Variants in PTPN12 observed in about 807,000 individuals in gnomAD.
The protein encoded by PTPN12 is protein tyrosine phosphatase non-receptor type 12, also known as tyrosine-protein phosphatase non-receptor type 12.
Under a neutral mutation model 97.6 loss-of-function variants are expected in PTPN12, and 29 were observed. The ratio of observed to expected loss-of-function variants is 0.30; its 90% CI spans 0.22 to 0.41. The LOEUF is 0.41. Ranked by LOEUF, PTPN12 falls within the 10% of genes least tolerant of loss-of-function variation. The pLI is 1.00. For missense variants in PTPN12, 819 were observed against 926.0 expected (o/e 0.88, Z 1.50); for synonymous variants, 327 against 300.4 (o/e 1.09, Z -0.91).
intron 13 of PTPN12, 62 bp downstream of exon 13, chr7:77,627,737 C>G (rs748857229): frequency 2.1e-5 from 30 of 1,413,418 alleles, no homozygotes; most frequent in Non-Finnish European, 2.7e-5. Context: ...GTTTTAAGCA[C>G]TTTAGCTGTA....
chr7:77,538,021 C>G (rs1806747844), intron 1 of PTPN12: 2 of 1,031,542 alleles, frequency 1.9e-6, no homozygotes, highest in Admixed American at 5.9e-5. Flanking sequence ...GCGCAGTTCG[C>G]TCCTCCCAGG....
At chr7:77,615,617 A>G (rs910261781) in intron 11 of PTPN12, among the ~76,000 whole-genome samples, 1 of 152,020 alleles carries the variant, frequency 6.6e-6, no homozygotes, top group African/African-American at 2.4e-5. Flanking sequence ...TGGGTATGGT[A>G]GCACGTGCCT....
In PTPN12 at chr7:77,620,511, T is replaced by A. The variant is rs551198525; in HGVS notation, c.1025+1946T>A. 3.9e-5 allele frequency among the ~76,000 whole-genome samples: 6 copies of A among 152,372 alleles called. No homozygotes were observed. The East Asian group carries it at 1.2e-3, about 29-fold the overall frequency. On this transcript the variant is annotated intron_variant, in intron 12 of 17. Transcript: ENST00000248594. ...TTGACAAAGAGAACCTTGTGACTTC[T>A]AAGTTGGGATGATTTTTAGAACTAT...
intron 11 of PTPN12, among the ~76,000 whole-genome samples, chr7:77,612,891 C>T (rs1788617454): frequency 6.6e-6 from 1 of 151,716 alleles, no homozygotes; most frequent in South Asian, 2.1e-4. Context: ...CCTGCCTCAG[C>T]CTCCTGAATA....
chr7:77,570,983 A>G, intron 1 of PTPN12, 95 bp from the exon 2 acceptor site: 1 of 702,882 alleles, frequency 1.4e-6, no homozygotes, highest in East Asian at 3.2e-5. Context: ...AGACAGGAAA[A>G]TGAGTTGTGA....
At chr7:77,632,280 CAAGA>C in intron 13 of PTPN12, 64 bp from the exon 14 acceptor site, 1 of 1,203,156 alleles carries the variant, frequency 8.3e-7, no homozygotes. Flanking sequence ...TTTAGAATGT[CAAGA>C]AAGCTCTCTG....
At chr7:77,620,178 T>A (rs1045396372) in intron 12 of PTPN12, among the ~76,000 whole-genome samples, 3 of 152,240 alleles carry the variant, frequency 2.0e-5, no homozygotes, top group African/African-American at 7.2e-5. Context: ...ATGATTTGTA[T>A]GTTCTTCTAC....
intron 2 of PTPN12, among the ~76,000 whole-genome samples, chr7:77,580,687 GA>G (rs1787485462): frequency 6.6e-6 from 1 of 151,942 alleles, no homozygotes; most frequent in South Asian, 2.1e-4. Context: ...ATTTTTTAAA[GA>G]TTTTTTTACT....
chr7:77,605,458 C>T (rs1377114362), intron 8 of PTPN12, among the ~76,000 whole-genome samples: 4 of 123,554 alleles, frequency 3.2e-5, no homozygotes, highest in Non-Finnish European at 6.4e-5. Context: ...CTCGCTCTGT[C>T]GCCCAAGCTG....
intron 5 of PTPN12, among the ~76,000 whole-genome samples, chr7:77,590,610 G>T: frequency 6.8e-6 from 1 of 147,846 alleles, no homozygotes; most frequent in Admixed American, 6.8e-5. Context: ...GCCCAGGCTT[G>T]AGTGCAGTGG....
chr7:77,612,817 T>C (rs1788614831), intron 11 of PTPN12, among the ~76,000 whole-genome samples: 1 of 150,524 alleles, frequency 6.6e-6, no homozygotes, highest in Admixed American at 6.7e-5. Context: ...TGACGAAGTC[T>C]CACTCTGTCA....
At position 77,597,850 on chromosome 7, in the gene PTPN12, AC is replaced by A; in HGVS notation, c.502del (p.Gln168LysfsTer28). 1 of 1,609,922 alleles carries A rather than the reference AC, an allele frequency of 6.2e-7. No individual in the cohort carries two copies. Among genetic ancestry groups the A allele is most frequent in the Non-Finnish European group, 8.5e-7 (1 of 1,178,312 alleles). On this transcript the variant is annotated frameshift_variant, in exon 7 of 18. Transcript: ENST00000248594. LOFTEE classifies it high-confidence loss of function. ...APFKISCEDE[Q>X]ARTDYFIRTL... is the part of the protein sequence containing the mutation. The stretch of plus-strand genomic sequence containing the variant: ...TGTTTCTCTTTATTTAGGAGGATGA[AC>A]AAGCAAGAACAGACTACTTCATCAG...
intron 1 of PTPN12, among the ~76,000 whole-genome samples, chr7:77,564,523 C>T (rs1408707901): frequency 6.6e-6 from 1 of 151,880 alleles, no homozygotes; most frequent in Non-Finnish European, 1.5e-5. Context: ...CCAGTAATTG[C>T]CTCAGAAATT....
chr7:77,542,586 G>C (rs1807030667), intron 1 of PTPN12, among the ~76,000 whole-genome samples: 1 of 152,152 alleles, frequency 6.6e-6, no homozygotes, highest in African/African-American at 2.4e-5. Flanking sequence ...ATTAAGAAAG[G>C]AGTCTCAATG....
At chr7:77,538,429 C>T (rs1049385366) in intron 1 of PTPN12, among the ~76,000 whole-genome samples, 1 of 142,870 alleles carries the variant, frequency 7.0e-6, no homozygotes, top group Admixed American at 7.2e-5. Flanking sequence ...GTGACTATCA[C>T]TTCCTATCCG....
In PTPN12 at chr7:77,625,468, GCTCGCTCT is replaced by G. The variant is rs1347237628; in HGVS notation, c.1026-1233_1026-1226del. Among the ~76,000 whole-genome samples the G allele has an allele frequency of 2.2e-3, 54 of 24,752 alleles. 6 individuals carry two copies. Among genetic ancestry groups the G allele is most frequent in the African/African-American group, 0.012 (48 of 4,056 alleles). The allele number at this position is 24,752 out of a possible 152,430, so 16.2% of individuals were successfully genotyped here. On this transcript the variant is annotated intron_variant, in intron 12 of 17. Coordinates refer to ENST00000248594, the MANE Select transcript of PTPN12 (RefSeq NM_002835.4). Reference sequence around the variant, plus strand: ...AGGGTTTTGCCATATTGCCCAGGCTGCTCGCTCTCTCTCTCTCTCTCTCTCTCTCTCTC... The same window carrying G: ...AGGGTTTTGCCATATTGCCCAGGCTGCTCTCTCTCTCTCTCTCTCTCTCTC...
intron 1 of PTPN12, among the ~76,000 whole-genome samples, chr7:77,567,909 G>T (rs1266692401): frequency 1.3e-5 from 2 of 152,108 alleles, no homozygotes; most frequent in Middle Eastern, 3.2e-3. Flanking sequence ...GGTTAAATAT[G>T]TTAATTGTCA....
In PTPN12 at chr7:77,627,607, G is replaced by A. The variant is rs749362115; in HGVS notation, c.1928G>A (p.Arg643Lys). The A allele has an allele frequency of 6.2e-7, 1 of 1,612,554 alleles. No homozygotes were observed. The highest frequency in any genetic ancestry group is 1.1e-5 in the South Asian group (1 of 90,962). The change falls in exon 13 of 18, where the codon AGG becomes AAG. Residue 643 changes from arginine to lysine, a missense_variant. By Grantham distance (26) the Arg-to-Lys change is conservative. Transcript: ENST00000248594. Reference protein sequence around the residue: ...AATSTESISTRKVLPMSIARH... With the variant: ...AATSTESISTKKVLPMSIARH... The stretch of plus-strand genomic sequence containing the variant: ...ACTAGTACTGAAAGCATTTCTACTA[G>A]GAAAGTATTGCCAATGTCCATTGCT...
intron 2 of PTPN12, among the ~76,000 whole-genome samples, chr7:77,576,673 G>C (rs1162033498): frequency 6.6e-6 from 1 of 152,104 alleles, no homozygotes; most frequent in African/African-American, 2.4e-5. Context: ...CTCCAACCTG[G>C]GTGACAGAGC....
Sources: allele counts gnomAD v4.1 joint callset (sites outside exome capture counted in the v4.1 genomes callset), GRCh38; gene constraint gnomAD v4.1.1; transcripts MANE v1.5; gene names NCBI Gene and HGNC (gene_info 2026-07-23, HGNC 2026-07-21).